The following PCDH15 variants were observed in gnomAD, a reference collection of about 807,000 sequenced individuals.
PCDH15 encodes the protein protocadherin-15.
In PCDH15, 129 loss-of-function variants were observed where a neutral mutation model predicts 178.5. The ratio of observed to expected loss-of-function variants is 0.72; its 90% confidence interval spans 0.63 to 0.84. The LOEUF (loss-of-function observed/expected upper bound fraction) is 0.84, where lower values mean the gene tolerates loss of function less well. PCDH15 is among the 40% of genes least tolerant of loss of function. The pLI is 0.00. For missense variants in PCDH15, 2,230 were observed against 2,099.9 expected (o/e 1.06, Z -1.21); for synonymous variants, 800 against 732.0 (o/e 1.09, Z -1.50).
intron 1 of PCDH15, among the ~76,000 whole-genome samples, chr10:54,743,490 C>T (rs956652439): frequency 2.0e-5 from 3 of 151,974 alleles, no homozygotes; most frequent in East Asian, 1.9e-4. Flanking sequence ...CGAAAAGATG[C>T]CATAATCGGA....
rs555786708 is a variant in PCDH15, at chr10:55,164,311, T to A, written c.-80+2265A>T. On this transcript the variant is annotated intron_variant, in intron 2 of 5. Coordinates refer to the PCDH15 transcript ENST00000458638. ...TCAACATAAAATGTATTTTTTTTTT[T>A]AAATATTCTTTTTGGTCAATGTTTT... 1.8e-4 allele frequency among the ~76,000 whole-genome samples: 27 copies of A among 151,710 alleles called. 1 individual carries two copies. The South Asian group carries it at 1.9e-3, about 11-fold the overall frequency.
At chr10:54,337,458 T>G (rs1242744277) in intron 6 of PCDH15, among the ~76,000 whole-genome samples, 2 of 151,960 alleles carry the variant, frequency 1.3e-5, no homozygotes, top group Non-Finnish European at 2.9e-5. Flanking sequence ...ATCATGGGGG[T>G]GGCCTCCCCA....
At chr10:54,170,416 T>G (rs951153834) in intron 13 of PCDH15, among the ~76,000 whole-genome samples, 91 of 152,068 alleles carry the variant, frequency 6.0e-4, no homozygotes, top group African/African-American at 2.1e-3. Flanking sequence ...TGGCTGCCAC[T>G]GCATTAATAC....
chr10:55,295,627 C>A (rs551309498), intron 1 of PCDH15, among the ~76,000 whole-genome samples: 8 of 152,262 alleles, frequency 5.3e-5, no homozygotes, highest in Admixed American at 4.6e-4. Context: ...GTGGGACTAG[C>A]AGTAAGATGC....
intron 13 of PCDH15, among the ~76,000 whole-genome samples, chr10:54,172,001 C>G (rs1312140546): frequency 6.6e-6 from 1 of 151,624 alleles, no homozygotes; most frequent in Admixed American, 6.6e-5. Context: ...TTTCGCCGCC[C>G]CAACACTTCA....
intron 2 of PCDH15, among the ~76,000 whole-genome samples, chr10:55,498,163 TATTATATTTTAAAGTCG>T (rs1840578224): frequency 6.6e-6 from 1 of 151,936 alleles, no homozygotes; most frequent in South Asian, 2.1e-4. Context: ...AAGGTTGAGT[TATTATATTTTAAAGTCG>T]AAATTACATT....
chr10:55,223,478 G>T (rs1840942752), intron 1 of PCDH15, among the ~76,000 whole-genome samples: 1 of 152,090 alleles, frequency 6.6e-6, no homozygotes, highest in Non-Finnish European at 1.5e-5. Context: ...CAATGCCTAT[G>T]ACTATATTGA....
At chr10:54,730,783 C>CTGAAAGTA (rs1943228250) in intron 1 of PCDH15, among the ~76,000 whole-genome samples, 1 of 151,248 alleles carries the variant, frequency 6.6e-6, no homozygotes, top group Non-Finnish European at 1.5e-5. Context: ...AAATTTAAAC[C>CTGAAAGTA]TGAAACTATG....
chr10:55,164,300 A>T (rs12262736), intron 2 of PCDH15, among the ~76,000 whole-genome samples: 1,604 of 148,532 alleles, frequency 0.011, 24 homozygotes, highest in African/African-American at 0.03. Flanking sequence ...CATAAAATGT[A>T]TTTTTTTTTT....
At chr10:53,827,077 TTA>T (rs1429554626) in intron 32 of PCDH15, among the ~76,000 whole-genome samples, 3 of 151,558 alleles carry the variant, frequency 2.0e-5, no homozygotes, top group Admixed American at 1.3e-4. Context: ...TACATATACA[TTA>T]TATATATGTA....
At chr10:55,539,219 A>G (rs1052975856) in intron 2 of PCDH15, among the ~76,000 whole-genome samples, 2 of 151,978 alleles carry the variant, frequency 1.3e-5, no homozygotes, top group African/African-American at 4.8e-5. Context: ...GTAATACACC[A>G]TTTGTATTAT....
At chr10:55,316,081 G>A (rs887107014) in intron 1 of PCDH15, among the ~76,000 whole-genome samples, 1 of 152,048 alleles carries the variant, frequency 6.6e-6, no homozygotes, top group Non-Finnish European at 1.5e-5. Context: ...CACAAAAGTT[G>A]GATCTAAAAA....
intron 4 of PCDH15, among the ~76,000 whole-genome samples, chr10:54,371,759 T>A (rs1214744978): frequency 6.6e-6 from 1 of 151,902 alleles, no homozygotes; most frequent in African/African-American, 2.4e-5. Context: ...TAGTTTATGT[T>A]AGAAATAAAT....
At position 54,851,663 on chromosome 10, in the gene PCDH15, C is replaced by T. The variant is rs189926782; in HGVS notation, c.-29+45787G>A. 6.2e-4 allele frequency among the ~76,000 whole-genome samples: 94 copies of T among 152,212 alleles called. 1 individual carries two copies. The East Asian group carries it at 0.017, about 28-fold the overall frequency. Reference sequence around the variant, plus strand: ...AGGCTGGAGTGCAGTGGCATGACCTCGGCTCACTGCAACCTCTGCATCCTG... The same window carrying T: ...AGGCTGGAGTGCAGTGGCATGACCTTGGCTCACTGCAACCTCTGCATCCTG... On this transcript the variant is annotated intron_variant, in intron 3 of 5. Transcript: ENST00000458638.
chr10:54,397,094 C>T (rs1951327486), intron 3 of PCDH15, among the ~76,000 whole-genome samples: 1 of 152,032 alleles, frequency 6.6e-6, no homozygotes, highest in Non-Finnish European at 1.5e-5. Flanking sequence ...CTTGACGAAA[C>T]TTTAAACACT....
intron 11 of PCDH15, among the ~76,000 whole-genome samples, chr10:54,190,220 T>A (rs2048868077): frequency 6.6e-6 from 1 of 152,268 alleles, no homozygotes; most frequent in East Asian, 1.9e-4. Context: ...ATTTACCATC[T>A]GGAATAGCTA....
intron 25 of PCDH15, among the ~76,000 whole-genome samples, chr10:53,932,763 G>C (rs1254609966): frequency 6.6e-6 from 1 of 152,140 alleles, no homozygotes; most frequent in Non-Finnish European, 1.5e-5. Flanking sequence ...TTTGGTCTAG[G>C]TTCTGCTGCT....
At chr10:55,164,526 A>C (rs2132116525) in intron 2 of PCDH15, among the ~76,000 whole-genome samples, 1 of 151,866 alleles carries the variant, frequency 6.6e-6, no homozygotes, top group South Asian at 2.1e-4. Flanking sequence ...GTAAAAAAGT[A>C]ACATCTTAGG....
At chr10:54,651,296 A>G (rs1055552469) in intron 2 of PCDH15, among the ~76,000 whole-genome samples, 1 of 152,196 alleles carries the variant, frequency 6.6e-6, no homozygotes, top group Non-Finnish European at 1.5e-5. Flanking sequence ...ATGTTGAGAA[A>G]TTCTGGGAAA....
Sources: allele counts gnomAD v4.1 joint callset (sites outside exome capture counted in the v4.1 genomes callset), GRCh38; gene constraint gnomAD v4.1.1; transcripts MANE v1.5; gene names NCBI Gene and HGNC (gene_info 2026-07-23, HGNC 2026-07-21).